The following RBMS1 variants were observed in gnomAD, a reference collection of about 807,000 sequenced individuals.
The protein encoded by RBMS1 is RNA-binding motif, single-stranded-interacting protein 1.
A neutral mutation model predicts 62.3 loss-of-function variants in RBMS1; 17 were observed. The ratio of observed to expected loss-of-function variants is 0.27; its 90% CI spans 0.19 to 0.41. The LOEUF (loss-of-function observed/expected upper bound fraction) is 0.41. Ranked by LOEUF, RBMS1 falls within the 10% of genes least tolerant of loss-of-function variation. The probability of loss-of-function intolerance (pLI) is 1.00; values close to 1 mark genes in which losing one functional copy is unlikely to be tolerated. For synonymous variants in RBMS1, 172 were observed against 170.0 expected, an observed-to-expected ratio of 1.01 and a Z score of -0.09; for missense variants, 334 against 504.5, an observed-to-expected ratio of 0.66 and a Z score of 3.24.
intron 1 of RBMS1, chr2:160,416,222 A>G (rs1696200813): frequency 6.6e-6 from 1 of 151,540 alleles, no homozygotes; most frequent in Non-Finnish European, 1.5e-5. Flanking sequence ...TGATCATGAC[A>G]TCAGTGATTC....
rs989608186 is a variant in RBMS1, at chr2:160,493,697, G to T, written c.-334C>A. 2.5e-6 allele frequency: 1 copy of T among 393,490 alleles called. No homozygotes were observed. The highest frequency in any genetic ancestry group is 2.2e-5 in the African/African-American group (1 of 46,408). 24.4% of individuals were successfully genotyped at this position (393,490 alleles called of 1,614,324 possible). ...GACTGCTCCGGGGCTGCCAAGGGCT[G>T]GCGCGCTGGCCGCGGTCCGCTCGGG... On this transcript the variant is annotated 5_prime_UTR_variant, in exon 1 of 14. Transcript: ENST00000348849.
intron 1 of RBMS1, among the ~76,000 whole-genome samples, chr2:160,465,366 C>G (rs910427460): frequency 6.6e-6 from 1 of 152,182 alleles, no homozygotes. Context: ...TCAAACAGTA[C>G]TCGATATTGT....
At chr2:160,348,066 C>T (rs1028309633) in intron 2 of RBMS1, among the ~76,000 whole-genome samples, 1 of 151,992 alleles carries the variant, frequency 6.6e-6, no homozygotes, top group African/African-American at 2.4e-5. Context: ...AATTTTATTA[C>T]CGGAAAAAGT....
chr2:160,448,290 C>A (rs1292645516), intron 1 of RBMS1, among the ~76,000 whole-genome samples: 1 of 150,528 alleles, frequency 6.6e-6, no homozygotes, highest in Non-Finnish European at 1.5e-5. Context: ...TCCCCCTCCC[C>A]CTCCCCCTCC....
At chr2:160,337,133 TTC>T (rs1352235786) in intron 2 of RBMS1, among the ~76,000 whole-genome samples, 7 of 143,498 alleles carry the variant, frequency 4.9e-5, no homozygotes, top group African/African-American at 1.5e-4. Flanking sequence ...TCTTTTTCTT[TTC>T]TTTTTTTTTT....
chr2:160,446,830 C>G (rs1451771298), intron 1 of RBMS1, among the ~76,000 whole-genome samples: 1 of 152,196 alleles, frequency 6.6e-6, no homozygotes, highest in Non-Finnish European at 1.5e-5. Context: ...GTTCCACATG[C>G]TTGCCTTGAC....
intron 1 of RBMS1, among the ~76,000 whole-genome samples, chr2:160,375,041 CT>C (rs1178922576): frequency 6.6e-6 from 1 of 152,116 alleles, no homozygotes; most frequent in African/African-American, 2.4e-5. Flanking sequence ...AGGCTCAGGT[CT>C]TCACGTGTGA....
intron 1 of RBMS1, among the ~76,000 whole-genome samples, chr2:160,490,661 G>T (rs557379421): frequency 4.6e-5 from 7 of 152,054 alleles, no homozygotes; most frequent in Admixed American, 3.9e-4. Context: ...CAAGAAGAAT[G>T]GTTTGGCATA....
rs1234986733 is a variant in RBMS1 at position 160,311,233 on chromosome 2, T to C, written c.402+1923A>G. On this transcript the variant is annotated intron_variant, in intron 4 of 13. Coordinates refer to ENST00000348849, the MANE Select transcript of RBMS1 (RefSeq NM_016836.4). Reference sequence around the variant, plus strand: ...AAATCTATCTATCTATCTATCTATCTATATATATATATATATATATATATA... The same window carrying C: ...AAATCTATCTATCTATCTATCTATCCATATATATATATATATATATATATA... 3.6e-4 allele frequency among the ~76,000 whole-genome samples: 24 copies of C among 66,236 alleles called. 1 individual carries two copies. Among genetic ancestry groups the C allele is most frequent in the Admixed American group, 8.5e-4 (6 of 7,090 alleles). 43.5% of individuals were successfully genotyped at this position (66,236 alleles called of 152,430 possible). A position where few individuals can be genotyped will look rare whatever the true frequency, so the allele number is the denominator to read the frequency against.
chr2:160,398,554 G>A (rs1465206632), intron 1 of RBMS1, among the ~76,000 whole-genome samples: 1 of 152,132 alleles, frequency 6.6e-6, no homozygotes, highest in Non-Finnish European at 1.5e-5. Flanking sequence ...TAGGCTGGAC[G>A]ATTCTTCCTT....
At chr2:160,398,066 G>T (rs1367400469) in intron 1 of RBMS1, among the ~76,000 whole-genome samples, 1 of 152,168 alleles carries the variant, frequency 6.6e-6, no homozygotes, top group African/African-American at 2.4e-5. Flanking sequence ...CTTCCCCAGA[G>T]CTCCGGTTCT....
intron 1 of RBMS1, among the ~76,000 whole-genome samples, chr2:160,422,226 C>CAT (rs1156777517): frequency 6.6e-6 from 1 of 152,180 alleles, no homozygotes; most frequent in Non-Finnish European, 1.5e-5. Flanking sequence ...ATAAATATAG[C>CAT]ATATAGCTAA....
chr2:160,449,289 G>A lies in RBMS1; in HGVS notation c.75+44000C>T, dbSNP rs567154572. Among the ~76,000 whole-genome samples, 291 of 152,330 alleles carry A rather than the reference G, an allele frequency of 1.9e-3. 1 individual carries two copies. The highest frequency in any genetic ancestry group is 3.1e-3 in the Non-Finnish European group (212 of 68,028). On this transcript the variant is annotated intron_variant, in intron 1 of 13. Coordinates refer to ENST00000348849, the MANE Select transcript of RBMS1 (RefSeq NM_016836.4). ...CCAGCCGCCCCGTCTGGGAAGTGAG[G>A]AGCCCCTCTGCCCGGCCGCCACCCC... is the stretch of plus-strand genomic sequence containing the variant.
intron 1 of RBMS1, among the ~76,000 whole-genome samples, chr2:160,426,053 A>C (rs569528507): frequency 3.3e-4 from 50 of 152,208 alleles, no homozygotes; most frequent in African/African-American, 1.2e-3. Flanking sequence ...CTGCTCATTT[A>C]AGGCAAGTTA....
At chr2:160,392,578 C>G (rs575360113) in intron 1 of RBMS1, among the ~76,000 whole-genome samples, 1 of 152,152 alleles carries the variant, frequency 6.6e-6, no homozygotes, top group East Asian at 1.9e-4. Context: ...TCCATTAGTA[C>G]TATTTTCCAA....
intron 3 of RBMS1, among the ~76,000 whole-genome samples, chr2:160,317,581 A>G (rs1183048337): frequency 6.6e-6 from 1 of 152,292 alleles, no homozygotes; most frequent in South Asian, 2.1e-4. Flanking sequence ...CAGTGCATCA[A>G]ATTAATGCAG....
rs553609230 is a variant in RBMS1 at position 160,315,373 on chromosome 2, A to T, written c.311-2126T>A. Among the ~76,000 whole-genome samples the T allele has an allele frequency of 3.3e-5, 5 of 152,328 alleles. No individual in the cohort carries two copies. The East Asian group carries it at 7.7e-4, about 23-fold the overall frequency. On this transcript the variant is annotated intron_variant, in intron 3 of 13. Transcript: ENST00000348849. The stretch of plus-strand genomic sequence containing the variant: ...ACTCTATGGATTTGATTATATAAAT[A>T]GGTGTAAAGACGTTTTTGAAGGCAG...
intron 2 of RBMS1, among the ~76,000 whole-genome samples, chr2:160,323,631 A>C (rs1409006463): frequency 1.3e-5 from 2 of 149,430 alleles, no homozygotes; most frequent in South Asian, 2.1e-4. Flanking sequence ...AAAAAAAAAA[A>C]CTGTGACTAT....
intron 2 of RBMS1, among the ~76,000 whole-genome samples, chr2:160,331,500 T>G (rs548792915): frequency 2.6e-5 from 4 of 152,222 alleles, no homozygotes; most frequent in Non-Finnish European, 5.9e-5. Flanking sequence ...CCATTAGGTG[T>G]GTGCCCTTGG....
Sources: gnomAD v4.1 joint callset for allele counts (sites outside exome capture counted in the v4.1 genomes callset) on GRCh38, gnomAD v4.1.1 for gene constraint, MANE v1.5 for transcripts, NCBI Gene and HGNC (gene_info 2026-07-23, HGNC 2026-07-21) for gene names.